Variants in ZNF827 observed in about 807,000 individuals in gnomAD.
The protein encoded by ZNF827 is zinc finger protein 827.
In ZNF827, 13 loss-of-function variants were observed where a neutral mutation model predicts 102.4. The observed-to-expected ratio is 0.13, with a 90% confidence interval of 0.08 to 0.20. The LOEUF (loss-of-function observed/expected upper bound fraction) is 0.20. Ranked by LOEUF, ZNF827 falls within the 10% of genes least tolerant of loss-of-function variation. The pLI is 1.00. For missense variants in ZNF827, 1,103 were observed against 1,344.4 expected (o/e 0.82, Z 2.81); for synonymous variants, 523 against 536.2 (o/e 0.98, Z 0.34).
intron 7 of ZNF827, among the ~76,000 whole-genome samples, chr4:145,837,916 G>A (rs1745024918): frequency 2.0e-5 from 3 of 151,694 alleles, no homozygotes; most frequent in African/African-American, 7.3e-5. Flanking sequence ...AGGTTCCCAC[G>A]CCGCCCCTAA....
chr4:145,827,862 T>C lies in ZNF827; in HGVS notation c.2280-4337A>G, dbSNP rs546460788. Among the ~76,000 whole-genome samples the C allele has an allele frequency of 5.9e-5, 9 of 152,370 alleles. No homozygotes were observed. In the East Asian group the frequency reaches 1.7e-3, roughly 29 times the overall value. ...AACTTTGTCCCATGAAAGTTCATTT[T>C]CAGAATGCTGAAATCATATTCCGTA... is the stretch of plus-strand genomic sequence containing the variant. On this transcript the variant is annotated intron_variant, in intron 7 of 14. Coordinates refer to ENST00000508784, the MANE Select transcript of ZNF827 (RefSeq NM_001306215.2).
chr4:145,776,291 T>A (rs553014252), intron 9 of ZNF827, among the ~76,000 whole-genome samples: 1 of 151,966 alleles, frequency 6.6e-6, no homozygotes, highest in African/African-American at 2.4e-5. Context: ...ACTCCATCTC[T>A]ACAAAAAAAT....
At chr4:145,900,671 A>G (rs560859147) in intron 2 of ZNF827, among the ~76,000 whole-genome samples, 14 of 152,154 alleles carry the variant, frequency 9.2e-5, no homozygotes, top group African/African-American at 3.4e-4. Context: ...TGGCCCCTCA[A>G]AGTGCTAGGA....
At position 145,765,801 on chromosome 4, in the gene ZNF827, T is replaced by G; in HGVS notation, c.2861-63A>C. ...TGAAAATCCTCAGAATTATAGCAACTGAGGGTGACGAGTTGAGTCTCATGG... is the reference window on the plus strand; with the variant it reads ...TGAAAATCCTCAGAATTATAGCAACGGAGGGTGACGAGTTGAGTCTCATGG... On this transcript the variant is annotated intron_variant, in intron 11 of 14. Coordinates refer to ENST00000508784, the MANE Select transcript of ZNF827 (RefSeq NM_001306215.2). The surrounding 1 kb of genome is among the most constrained non-coding windows in gnomAD (Gnocchi z 4.7). 6.5e-7 allele frequency: 1 copy of G among 1,531,524 alleles called. No individual in the cohort carries two copies. Among genetic ancestry groups the G allele is most frequent in the Non-Finnish European group, 8.9e-7 (1 of 1,127,194 alleles). 94.9% of individuals were successfully genotyped at this position (1,531,524 alleles called of 1,614,324 possible). A position where few individuals can be genotyped will look rare whatever the true frequency, so the allele number is the denominator to read the frequency against.
At position 145,757,880 on chromosome 4, in the gene ZNF827, C is replaced by G. The variant is rs1187272104; in HGVS notation, c.*3736G>C. ...ATAGAAGAAAGAAAGTGCTGAGAAC[C>G]CTAACTGCATTACTATATGGAAAAA... is the stretch of plus-strand genomic sequence containing the variant. On this transcript the variant is annotated 3_prime_UTR_variant, in exon 15 of 15. Transcript: ENST00000508784. 6.6e-6 allele frequency: 1 copy of G among 152,038 alleles called. No individual in the cohort carries two copies. Among genetic ancestry groups the G allele is most frequent in the African/African-American group, 2.4e-5 (1 of 41,474 alleles). 9.4% of individuals were successfully genotyped at this position (152,038 alleles called of 1,614,324 possible). A position where few individuals can be genotyped will look rare whatever the true frequency, so the allele number is the denominator to read the frequency against.
intron 4 of ZNF827, among the ~76,000 whole-genome samples, chr4:145,883,481 CG>C (rs1749849872): frequency 6.6e-6 from 1 of 152,178 alleles, no homozygotes; most frequent in Non-Finnish European, 1.5e-5. Context: ...CTTCTCCCCT[CG>C]TGTCTGCTGC....
chr4:145,834,520 G>A (rs1361298009), intron 7 of ZNF827, among the ~76,000 whole-genome samples: 1 of 151,996 alleles, frequency 6.6e-6, no homozygotes, highest in East Asian at 1.9e-4. Flanking sequence ...ACCTGGTCCG[G>A]CTTACAGTTT....
At chr4:145,846,912 G>C (rs1746022408) in intron 6 of ZNF827, among the ~76,000 whole-genome samples, 1 of 148,200 alleles carries the variant, frequency 6.7e-6, no homozygotes. Context: ...CCAGCACTTT[G>C]GGAGGCCGAG....
At chr4:145,887,437 A>C (rs1561043599) in intron 3 of ZNF827, among the ~76,000 whole-genome samples, 1 of 152,174 alleles carries the variant, frequency 6.6e-6, no homozygotes, top group Non-Finnish European at 1.5e-5. Flanking sequence ...AAAGCAAAGA[A>C]ATTAAAAGTT....
chr4:145,895,946 A>G (rs1197452741), intron 2 of ZNF827, among the ~76,000 whole-genome samples: 2 of 152,228 alleles, frequency 1.3e-5, no homozygotes, highest in Non-Finnish European at 2.9e-5. Flanking sequence ...ACTTTTCCCA[A>G]GTATATCACT....
intron 4 of ZNF827, among the ~76,000 whole-genome samples, chr4:145,882,097 G>T (rs1172804245): frequency 6.6e-6 from 1 of 152,308 alleles, no homozygotes; most frequent in Non-Finnish European, 1.5e-5. Context: ...GGCTATGGGT[G>T]ACAAGGCACA....
chr4:145,829,426 C>T (rs964049101), intron 7 of ZNF827, among the ~76,000 whole-genome samples: 4 of 151,796 alleles, frequency 2.6e-5, no homozygotes, highest in Admixed American at 6.6e-5. Flanking sequence ...AAAAATTCTT[C>T]GGTGAATTAA....
chr4:145,835,292 A>G (rs1187378244), intron 7 of ZNF827: 7 of 152,236 alleles, frequency 4.6e-5, no homozygotes, highest in African/African-American at 7.2e-5. Flanking sequence ...CTCACAGTGG[A>G]AGGTAAGCCC....
rs538397115 is a variant in ZNF827 at position 145,791,303 on chromosome 4, G to A, written c.2384-11792C>T. ...GTCTTTTATAAGGGCCTCTTTTATA[G>A]GGGCACTAATCCTAGTCATGAGGGC... On this transcript the variant is annotated intron_variant, in intron 8 of 14. Transcript: ENST00000508784. Among the ~76,000 whole-genome samples, 6 of 152,244 alleles carry A rather than the reference G, an allele frequency of 3.9e-5. No homozygotes were observed. In the South Asian group the frequency reaches 1.0e-3, roughly 26 times the overall value.
intron 8 of ZNF827, among the ~76,000 whole-genome samples, chr4:145,800,221 G>T (rs1740758737): frequency 6.6e-6 from 1 of 152,168 alleles, no homozygotes; most frequent in Non-Finnish European, 1.5e-5. Context: ...CAGTTGTCCA[G>T]TTGTCTTTTA....
At chr4:145,881,762 A>G (rs914508819) in intron 4 of ZNF827, among the ~76,000 whole-genome samples, 1 of 152,114 alleles carries the variant, frequency 6.6e-6, no homozygotes, top group African/African-American at 2.4e-5. Context: ...ACCTTGACCT[A>G]TGGTGAAAGC....
At chr4:145,916,991 C>T (rs1752710265) in intron 1 of ZNF827, among the ~76,000 whole-genome samples, 1 of 147,294 alleles carries the variant, frequency 6.8e-6, no homozygotes, top group African/African-American at 2.6e-5. Context: ...CTTTACTGTC[C>T]ATATTTCTAC....
rs201229699 is a variant in ZNF827 at position 145,903,053 on chromosome 4, G to A, written c.206C>T (p.Thr69Ile). Residue 69 changes from threonine (T) to isoleucine (I), a missense_variant, in exon 2 of 15, where the codon ACC becomes ATC. Physicochemically the swap from Thr to Ile is moderately conservative, Grantham distance 89. Around this residue, in one of 5 missense-constraint regions of ZNF827, gnomAD observed 441 missense variants for 458.6 expected, o/e 0.96. Transcript: ENST00000508784. ...GCTGGGAGTCGTGCTTCCCAAGGAGGTGTCCGGGGACGTGGACTGCTCCTG... is the reference window on the plus strand; with the variant it reads ...GCTGGGAGTCGTGCTTCCCAAGGAGATGTCCGGGGACGTGGACTGCTCCTG... ...RIQEQSTSPD[T>I]SLGSTTPSSH... The A allele has an allele frequency of 3.5e-4, 571 of 1,614,202 alleles. No individual in the cohort carries two copies. Among genetic ancestry groups the A allele is most frequent in the Middle Eastern group, 4.9e-4 (3 of 6,062 alleles).
intron 8 of ZNF827, among the ~76,000 whole-genome samples, chr4:145,786,805 G>A (rs1025426312): frequency 5.3e-5 from 8 of 152,180 alleles, no homozygotes; most frequent in Admixed American, 6.5e-5. Context: ...CAGCTCGTCT[G>A]TATCCCTTTT....
Sources: allele counts gnomAD v4.1 joint callset (sites outside exome capture counted in the v4.1 genomes callset), GRCh38; gene constraint gnomAD v4.1.1; regional missense constraint gnomAD v4.1.1; non-coding constraint Gnocchi (gnomAD v3.1); transcripts MANE v1.5; gene names NCBI Gene and HGNC (gene_info 2026-07-23, HGNC 2026-07-21).